Variants in HBP1 observed in about 807,000 individuals in gnomAD.
HBP1 encodes HMG-box transcription factor 1.
In HBP1, 20 loss-of-function variants were observed where a neutral mutation model predicts 62.6. The ratio of observed to expected loss-of-function variants is 0.32; its 90% CI spans 0.22 to 0.46. The LOEUF (loss-of-function observed/expected upper bound fraction) is 0.46. Ranked by LOEUF, HBP1 falls within the 20% of genes least tolerant of loss-of-function variation. The pLI is 1.00. For synonymous variants in HBP1, 232 were observed against 206.2 expected, an observed-to-expected ratio of 1.12 and a Z score of -1.07; for missense variants, 480 against 611.8, an observed-to-expected ratio of 0.78 and a Z score of 2.27.
intron 8 of HBP1, among the ~76,000 whole-genome samples, chr7:107,191,254 C>T (rs1797632667): frequency 6.6e-6 from 1 of 152,114 alleles, no homozygotes; most frequent in Non-Finnish European, 1.5e-5. Flanking sequence ...AAGCCACATG[C>T]TCGATAAATG....
At chr7:107,186,725 T>G in intron 6 of HBP1, 44 bp downstream of exon 6, 1 of 1,056,876 alleles carries the variant, frequency 9.5e-7, no homozygotes, top group Non-Finnish European at 1.5e-6. Context: ...TCTTTCCAAA[T>G]GAAACAAGAT....
intron 2 of HBP1, 128 bp from the exon 3 acceptor site, chr7:107,182,245 A>T: frequency 1.6e-6 from 1 of 619,030 alleles, no homozygotes; most frequent in Non-Finnish European, 2.9e-6. Context: ...ACAGAATGTT[A>T]AATTTATGAT....
intron 8 of HBP1, 84 bp from the exon 9 acceptor site, chr7:107,195,750 C>CG: frequency 1.9e-6 from 1 of 531,284 alleles, no homozygotes; most frequent in Non-Finnish European, 2.9e-6. Flanking sequence ...CAGATGTTTT[C>CG]TTTTTTTTTT....
intron 6 of HBP1, among the ~76,000 whole-genome samples, chr7:107,188,655 C>G (rs1797501779): frequency 6.6e-6 from 1 of 152,194 alleles, no homozygotes; most frequent in Non-Finnish European, 1.5e-5. Context: ...ATTACTATTG[C>G]ACTTGTCAAT....
chr7:107,180,026 C>G lies in HBP1; in HGVS notation c.133C>G (p.Pro45Ala), dbSNP rs1797037684. The change falls in exon 2 of 11, where the codon CCT becomes GCT. Residue 45 changes from proline to alanine, a missense_variant. Transcript: ENST00000222574. The part of the protein sequence containing the change: ...LQCNENLPSS[P>A]GYNSCDEHME... Reference sequence around the variant, plus strand: ...GTGTAATGAGAATTTGCCATCTTCACCTGGATATAACTCCTGTGATGAACA... The same window carrying G: ...GTGTAATGAGAATTTGCCATCTTCAGCTGGATATAACTCCTGTGATGAACA... The G allele has an allele frequency of 4.4e-6, 7 of 1,604,712 alleles. No homozygotes were observed. The highest frequency in any genetic ancestry group is 6.0e-6 in the Non-Finnish European group (7 of 1,172,328).
intron 8 of HBP1, among the ~76,000 whole-genome samples, chr7:107,194,980 T>C (rs549976611): frequency 6.6e-6 from 1 of 152,346 alleles, no homozygotes; most frequent in East Asian, 1.9e-4. Context: ...GACTGATGTA[T>C]GTATGGCTCT....
intron 4 of HBP1, among the ~76,000 whole-genome samples, 195 bp from the exon 5 acceptor site, chr7:107,186,159 TTTTTTTC>T (rs1289406135): frequency 1.2e-4 from 17 of 145,998 alleles, no homozygotes; most frequent in Non-Finnish European, 3.0e-5. Context: ...TTTTTTTCTT[TTTTTTTC>T]TTTTTTTTTT....
At chr7:107,178,700 A>G (rs1013761459) in intron 1 of HBP1, among the ~76,000 whole-genome samples, 1 of 152,250 alleles carries the variant, frequency 6.6e-6, no homozygotes, top group Non-Finnish European at 1.5e-5. Flanking sequence ...ATTGTAATAT[A>G]TGACCATTTT....
chr7:107,182,127 T>C (rs938399452), intron 2 of HBP1, among the ~76,000 whole-genome samples: 2 of 152,162 alleles, frequency 1.3e-5, no homozygotes, highest in Non-Finnish European at 2.9e-5. Context: ...AACTTGTTAA[T>C]GTAAAAATAT....
At position 107,171,060 on chromosome 7, in the gene HBP1, TATA is replaced by T. The variant is rs1337235069; in HGVS notation, c.-16+1876_-16+1878del. Among the ~76,000 whole-genome samples the T allele has an allele frequency of 2.7e-3, 176 of 65,802 alleles. 5 individuals are homozygous for T. Among genetic ancestry groups the T allele is most frequent in the African/African-American group, 0.025 (167 of 6,564 alleles). The allele number at this position is 65,802 out of a possible 152,430, so 43.2% of individuals were successfully genotyped here. On this transcript the variant is annotated intron_variant, in intron 1 of 10. Coordinates refer to ENST00000222574, the MANE Select transcript of HBP1 (RefSeq NM_012257.4). ...ATACATGTATAAATATATATATATATATATATATATATATTTTTTTTTTTTTTT... is the reference window on the plus strand; with the variant it reads ...ATACATGTATAAATATATATATATATTATATATATATTTTTTTTTTTTTTT...
chr7:107,182,007 T>A (rs1477644740), intron 2 of HBP1, among the ~76,000 whole-genome samples: 1 of 152,208 alleles, frequency 6.6e-6, no homozygotes, highest in East Asian at 1.9e-4. Flanking sequence ...AATATTTATG[T>A]GATCTATATT....
In HBP1 at chr7:107,190,161, GTTTAAC is replaced by G. The variant is rs1797583773; in HGVS notation, c.923-7_923-2del. The G allele has an allele frequency of 1.3e-6, 2 of 1,596,780 alleles. No homozygotes were observed. Among genetic ancestry groups the G allele is most frequent in the South Asian group, 1.1e-5 (1 of 88,528 alleles). ...GAGTCCTCATCCTTTATGCAACATT[GTTTAAC>G]TTTAGGTTGGTCATCATTTTATCCA... On this transcript the variant is annotated splice_region_variant and splice_polypyrimidine_tract_variant and intron_variant, in intron 7 of 10. Coordinates refer to ENST00000222574, the MANE Select transcript of HBP1 (RefSeq NM_012257.4).
intron 1 of HBP1, chr7:107,174,624 G>A (rs1331605276): frequency 1.0e-6 from 1 of 985,276 alleles, no homozygotes; most frequent in African/African-American, 1.7e-5. Flanking sequence ...CAGAGGGAGG[G>A]GGAAGACAAG....
rs765400480 is a variant in HBP1 at position 107,189,491 on chromosome 7, G to A, written c.922+43G>A. The stretch of plus-strand genomic sequence containing the variant: ...TTTGTAGTAACTTTTTTTAAACAAA[G>A]CTTCTTAAATCTGTAATTATGTCTG... On this transcript the variant is annotated intron_variant, in intron 7 of 10. Coordinates refer to ENST00000222574, the MANE Select transcript of HBP1 (RefSeq NM_012257.4). The A allele has an allele frequency of 1.6e-5, 23 of 1,457,856 alleles. 1 individual carries two copies. In the South Asian group the frequency reaches 2.5e-4, roughly 16 times the overall value. 90.3% of individuals were successfully genotyped at this position (1,457,856 alleles called of 1,614,324 possible).
At chr7:107,175,515 A>G (rs1341832701) in intron 1 of HBP1, among the ~76,000 whole-genome samples, 1 of 152,170 alleles carries the variant, frequency 6.6e-6, no homozygotes, top group Non-Finnish European at 1.5e-5. Flanking sequence ...CCTAAACTAC[A>G]ATTGAAGACT....
chr7:107,174,353 C>A, intron 1 of HBP1: 1 of 539,100 alleles, frequency 1.9e-6, no homozygotes, highest in Non-Finnish European at 2.4e-6. Flanking sequence ...ACACATAGAA[C>A]TTATATTCAG....
chr7:107,186,216 T>G (rs1171724191), intron 4 of HBP1, 145 bp from the exon 5 acceptor site: 3 of 527,414 alleles, frequency 5.7e-6, no homozygotes, highest in Non-Finnish European at 9.9e-6. Context: ...AACCCTCAGT[T>G]TTTGAAGGCA....
chr7:107,174,622 G>T, intron 1 of HBP1: 3 of 985,430 alleles, frequency 3.0e-6, no homozygotes, highest in Non-Finnish European at 3.6e-6. Flanking sequence ...TGCAGAGGGA[G>T]GGGGAAGACA....
rs548749338 is a variant in HBP1 at position 107,196,302 on chromosome 7, T to C, written c.1385+151T>C. ...GTTTGTTTTTGAGACGGAGTCTCGCTGTGTCACCCAAGCTGGAGTCCAGTG... is the reference window on the plus strand; with the variant it reads ...GTTTGTTTTTGAGACGGAGTCTCGCCGTGTCACCCAAGCTGGAGTCCAGTG... On this transcript the variant is annotated intron_variant, in intron 9 of 10. Transcript: ENST00000222574. 5 of 679,584 alleles carry C rather than the reference T, an allele frequency of 7.4e-6. No individual in the cohort carries two copies. The East Asian group carries it at 1.4e-4, about 19-fold the overall frequency. The allele number at this position is 679,584 out of a possible 1,614,324, so 42.1% of individuals were successfully genotyped here. A position where few individuals can be genotyped will look rare whatever the true frequency, so the allele number is the denominator to read the frequency against.
Sources: gnomAD v4.1 joint callset for allele counts (sites outside exome capture counted in the v4.1 genomes callset) on GRCh38, gnomAD v4.1.1 for gene constraint, MANE v1.5 for transcripts, NCBI Gene and HGNC (gene_info 2026-07-23, HGNC 2026-07-21) for gene names.